The following TRIM24 variants were observed in gnomAD, a reference collection of about 807,000 sequenced individuals.
TRIM24 encodes the protein transcription intermediary factor 1-alpha.
A neutral mutation model predicts 123.9 loss-of-function variants in TRIM24; 29 were observed. That is an observed-to-expected ratio of 0.23 (90% CI 0.17 to 0.32). The LOEUF (loss-of-function observed/expected upper bound fraction) is 0.32, where lower values mean the gene tolerates loss of function less well. TRIM24 is among the 10% of genes least tolerant of loss of function. The pLI is 1.00. For missense variants in TRIM24, 932 were observed against 1,295.3 expected (o/e 0.72, Z 4.31); for synonymous variants, 456 against 461.1 (o/e 0.99, Z 0.14).
chr7:138,575,619 C>G (rs1048718079), intron 12 of TRIM24, among the ~76,000 whole-genome samples: 1 of 152,066 alleles, frequency 6.6e-6, no homozygotes, highest in South Asian at 2.1e-4. Flanking sequence ...TCTGTCAATT[C>G]GGAATTTTTT....
chr7:138,506,237 C>T (rs760084424), intron 2 of TRIM24, among the ~76,000 whole-genome samples: 1 of 152,188 alleles, frequency 6.6e-6, no homozygotes, highest in Non-Finnish European at 1.5e-5. Context: ...AACAGACACG[C>T]TTGCTGTGGG....
chr7:138,578,286 T>TG (rs1797808307), intron 14 of TRIM24, among the ~76,000 whole-genome samples: 1 of 151,948 alleles, frequency 6.6e-6, no homozygotes, highest in African/African-American at 2.4e-5. Context: ...ATAATAATAA[T>TG]AATGATGTAA....
intron 1 of TRIM24, among the ~76,000 whole-genome samples, chr7:138,464,586 T>G (rs1795091840): frequency 6.6e-6 from 1 of 152,096 alleles, no homozygotes; most frequent in Non-Finnish European, 1.5e-5. Context: ...TGAATCTGGA[T>G]TTTTGAACAA....
intron 4 of TRIM24, among the ~76,000 whole-genome samples, chr7:138,524,269 T>C (rs139154844): frequency 5.5e-4 from 84 of 152,268 alleles, no homozygotes; most frequent in Middle Eastern, 3.4e-3. Flanking sequence ...GAAAACGTAC[T>C]TAATATTGGA....
intron 1 of TRIM24, among the ~76,000 whole-genome samples, chr7:138,468,856 A>G (rs576431746): frequency 3.8e-4 from 58 of 152,280 alleles, no homozygotes; most frequent in African/African-American, 1.4e-3. Flanking sequence ...GCTTTGCCCT[A>G]TATATTCCAT....
intron 7 of TRIM24, among the ~76,000 whole-genome samples, chr7:138,539,110 A>G (rs1297187707): frequency 6.6e-6 from 1 of 152,146 alleles, no homozygotes; most frequent in Non-Finnish European, 1.5e-5. Flanking sequence ...CCAGGTACTA[A>G]TTCTAAGAAT....
chr7:138,554,397 CA>C lies in TRIM24; in HGVS notation c.1262-295del, dbSNP rs1563057941. 6.6e-6 allele frequency among the ~76,000 whole-genome samples: 1 copy of C among 151,926 alleles called. No individual in the cohort carries two copies. Among genetic ancestry groups the C allele is most frequent in the Non-Finnish European group, 1.5e-5 (1 of 67,998 alleles). On this transcript the variant is annotated intron_variant, in intron 8 of 18. Transcript: ENST00000343526. The surrounding 1 kb of genome is among the most constrained non-coding windows in gnomAD (Gnocchi z 4.5). Reference sequence around the variant, plus strand: ...AACATCAAACAGTATTTTAAAATATCAAAAAATGTTTACCAAATATTTTACA... The same window carrying C: ...AACATCAAACAGTATTTTAAAATATCAAAAATGTTTACCAAATATTTTACA...
At chr7:138,560,158 A>G (rs1304320538) in intron 9 of TRIM24, among the ~76,000 whole-genome samples, 2 of 152,064 alleles carry the variant, frequency 1.3e-5, no homozygotes, top group African/African-American at 4.8e-5. Context: ...TTTTGCCAAT[A>G]TTTCTTCAGT....
At chr7:138,512,954 A>G (rs925277387) in intron 2 of TRIM24, among the ~76,000 whole-genome samples, 9 of 152,112 alleles carry the variant, frequency 5.9e-5, no homozygotes. Context: ...ATTTGCTCAT[A>G]CATAGGAGCA....
At chr7:138,499,467 G>C (rs535581908) in intron 1 of TRIM24, among the ~76,000 whole-genome samples, 47 of 152,236 alleles carry the variant, frequency 3.1e-4, no homozygotes, top group Non-Finnish European at 4.6e-4. Context: ...ATTGCAAATC[G>C]GTCCCTCAAG....
chr7:138,498,369 C>T (rs1252761336), intron 1 of TRIM24, among the ~76,000 whole-genome samples: 3 of 151,888 alleles, frequency 2.0e-5, no homozygotes, highest in East Asian at 2.0e-4. Context: ...GGATTACAGG[C>T]GCCTGCCATC....
intron 5 of TRIM24, among the ~76,000 whole-genome samples, chr7:138,526,433 T>G (rs13226458): frequency 2.0e-5 from 3 of 150,812 alleles, no homozygotes; most frequent in Non-Finnish European, 2.9e-5. Flanking sequence ...TTTACCTCTG[T>G]TTTTGTTTTT....
At chr7:138,575,929 C>T (rs1797748142) in intron 12 of TRIM24, among the ~76,000 whole-genome samples, 1 of 152,110 alleles carries the variant, frequency 6.6e-6, no homozygotes, top group Non-Finnish European at 1.5e-5. Context: ...TCTATCAGCC[C>T]GTACCACCTT....
At chr7:138,525,111 C>T (rs185720471) in intron 4 of TRIM24, 130 bp from the exon 5 acceptor site, 11 of 434,826 alleles carry the variant, frequency 2.5e-5, no homozygotes, top group East Asian at 1.6e-4. Flanking sequence ...ATTAGGGATA[C>T]GTTTGATGTT....
Position 138,580,703 on chromosome 7 carries a change from TTGGTAAGA to T in TRIM24, c.2718+12_2718+19del, listed in dbSNP as rs1206087436. ...CACCTATAGATAAAAGGGTAAGTCTTTGGTAAGATGCATTATTGTATTGTAGTGCAATA... is the reference window on the plus strand; with the variant it reads ...CACCTATAGATAAAAGGGTAAGTCTTTGCATTATTGTATTGTAGTGCAATA... On this transcript the variant is annotated intron_variant, in intron 16 of 18. Coordinates refer to ENST00000343526, the MANE Select transcript of TRIM24 (RefSeq NM_015905.3). 6.2e-7 allele frequency: 1 copy of T among 1,611,818 alleles called. No individual in the cohort carries two copies. The highest frequency in any genetic ancestry group is 1.7e-5 in the Admixed American group (1 of 59,720).
intron 10 of TRIM24, among the ~76,000 whole-genome samples, chr7:138,568,404 TTTTTTA>T (rs1194083506): frequency 5.9e-5 from 5 of 84,166 alleles, no homozygotes; most frequent in African/African-American, 9.0e-5. Context: ...TTTTTTTTTT[TTTTTTA>T]AAGTCTCTCT....
At chr7:138,541,476 C>T (rs983327294) in intron 7 of TRIM24, among the ~76,000 whole-genome samples, 1 of 152,050 alleles carries the variant, frequency 6.6e-6, no homozygotes, top group Admixed American at 6.6e-5. Context: ...AGCAGTGGGT[C>T]TCAAAAGTGG....
intron 13 of TRIM24, among the ~76,000 whole-genome samples, chr7:138,576,918 A>T (rs187978128): frequency 5.6e-4 from 84 of 150,314 alleles, no homozygotes; most frequent in African/African-American, 1.9e-3. Context: ...CCCAGTTCTT[A>T]CTTTATCATA....
In TRIM24 at chr7:138,554,709, A is replaced by G. The variant is rs199582926; in HGVS notation, c.1273A>G (p.Ile425Val). ...QNIINLGSLV[I>V]EDKESQPQMP... ...TTCTTTTTAATTAGGTTCTTTAGTA[A>G]TCGAGGATAAAGAGAGCCAGCCACA... Residue 425 changes from isoleucine to valine, a missense_variant, in exon 9 of 19, where the codon ATC becomes GTC. Transcript: ENST00000343526. This position sits in a 1 kb window ranked among gnomAD's most constrained non-coding sequence, Gnocchi z 4.5. The G allele has an allele frequency of 1.2e-6, 2 of 1,613,954 alleles. No homozygotes were observed. Among genetic ancestry groups the G allele is most frequent in the East Asian group, 4.5e-5 (2 of 44,874 alleles).
Sources: allele counts gnomAD v4.1 joint callset (sites outside exome capture counted in the v4.1 genomes callset), GRCh38; gene constraint gnomAD v4.1.1; non-coding constraint Gnocchi (gnomAD v3.1); transcripts MANE v1.5; gene names NCBI Gene and HGNC (gene_info 2026-07-23, HGNC 2026-07-21).